The following RCL1 variants were observed in gnomAD, a reference collection of about 807,000 sequenced individuals.
RCL1 encodes the protein RNA terminal phosphate cyclase like 1, also known as RNA 3'-terminal phosphate cyclase-like protein.
In RCL1, 24 loss-of-function variants were observed where a neutral mutation model predicts 42.4. That is an observed-to-expected ratio of 0.57 (90% confidence interval 0.41 to 0.80). The LOEUF (loss-of-function observed/expected upper bound fraction) is 0.80. Ranked by LOEUF, RCL1 falls within the 30% of genes least tolerant of loss-of-function variation. The pLI is 0.00. For missense variants in RCL1, 578 were observed against 467.9 expected (o/e 1.24, Z -2.17); for synonymous variants, 228 against 177.3 (o/e 1.29, Z -2.27).
At chr9:4,812,189 C>G (rs1390727461) in intron 1 of RCL1, among the ~76,000 whole-genome samples, 1 of 152,038 alleles carries the variant, frequency 6.6e-6, no homozygotes, top group Non-Finnish European at 1.5e-5. Context: ...TTGTTGTAAT[C>G]CCTTTTGCTT....
In RCL1 at chr9:4,842,976, G is replaced by C. The variant is rs550362340; in HGVS notation, c.711-1549G>C. ...ACTGACTCAGCTGACCCTAGAGTGTGGTCAAGTCCATACTTACTAATGGTG... is the reference window on the plus strand; with the variant it reads ...ACTGACTCAGCTGACCCTAGAGTGTCGTCAAGTCCATACTTACTAATGGTG... On this transcript the variant is annotated intron_variant, in intron 6 of 8. Transcript: ENST00000381750. 3.1e-4 allele frequency among the ~76,000 whole-genome samples: 47 copies of C among 152,266 alleles called. 1 individual carries two copies. Among genetic ancestry groups the C allele is most frequent in the African/African-American group, 1.1e-3 (44 of 41,550 alleles).
intron 3 of RCL1, among the ~76,000 whole-genome samples, chr9:4,830,907 C>G (rs1351629113): frequency 2.0e-5 from 3 of 152,170 alleles, no homozygotes; most frequent in Non-Finnish European, 4.4e-5. Context: ...TTTGCCTTTT[C>G]TCTCTGACCG....
intron 1 of RCL1, among the ~76,000 whole-genome samples, chr9:4,814,929 T>A (rs1420664694): frequency 6.6e-6 from 1 of 152,088 alleles, no homozygotes; most frequent in Non-Finnish European, 1.5e-5. Context: ...ATTTTGAATA[T>A]ATCATCTTAT....
intron 1 of RCL1, among the ~76,000 whole-genome samples, chr9:4,798,224 C>G (rs1563825250): frequency 6.6e-6 from 1 of 152,208 alleles, no homozygotes; most frequent in South Asian, 2.1e-4. Context: ...GTGCCTCTAT[C>G]TCTGGATTTC....
intron 1 of RCL1, among the ~76,000 whole-genome samples, chr9:4,817,981 T>C (rs1816450370): frequency 7.1e-6 from 1 of 140,476 alleles, no homozygotes; most frequent in African/African-American, 2.7e-5. Context: ...AGTGTAGTGG[T>C]GCAATCTCGT....
In RCL1 at chr9:4,823,418, C is replaced by T; in HGVS notation, c.137-130C>T. ...GAACCTACCCAGTCCTTTAGGAAAG[C>T]CCAGGTGTGATGCAGGAAGTAACCT... On this transcript the variant is annotated intron_variant, in intron 1 of 8. Coordinates refer to ENST00000381750, the MANE Select transcript of RCL1 (RefSeq NM_005772.5). 4.7e-6 allele frequency: 3 copies of T among 636,904 alleles called. No individual in the cohort carries two copies. The South Asian group carries it at 6.4e-5, about 13-fold the overall frequency. 39.5% of individuals were successfully genotyped at this position (636,904 alleles called of 1,614,324 possible). A position where few individuals can be genotyped will look rare whatever the true frequency, so the allele number is the denominator to read the frequency against.
At chr9:4,827,785 A>C (rs1343400664) in intron 3 of RCL1, among the ~76,000 whole-genome samples, 1 of 125,494 alleles carries the variant, frequency 8.0e-6, no homozygotes, top group Non-Finnish European at 1.8e-5. Flanking sequence ...TGTGTGAGAG[A>C]GAGAGAGATT....
At chr9:4,852,362 G>A (rs1480042071) in intron 8 of RCL1, among the ~76,000 whole-genome samples, 1 of 152,088 alleles carries the variant, frequency 6.6e-6, no homozygotes, top group Non-Finnish European at 1.5e-5. Context: ...GTTTAGGGAG[G>A]GAGGATTTAT....
intron 3 of RCL1, 115 bp downstream of exon 3, chr9:4,827,148 T>C (rs997678699): frequency 2.6e-6 from 4 of 1,557,192 alleles, no homozygotes; most frequent in Non-Finnish European, 3.5e-6. Flanking sequence ...TATATTGCTT[T>C]TGTTATTTAC....
chr9:4,845,803 G>T (rs1032509904), intron 7 of RCL1, among the ~76,000 whole-genome samples: 13 of 152,200 alleles, frequency 8.5e-5, no homozygotes, highest in African/African-American at 3.1e-4. Context: ...GTTGTATGGT[G>T]TATAATGTTT....
intron 2 of RCL1, among the ~76,000 whole-genome samples, chr9:4,826,600 C>G (rs960654082): frequency 6.6e-6 from 1 of 152,208 alleles, no homozygotes; most frequent in African/African-American, 2.4e-5. Context: ...TGCCATGACT[C>G]TGGCAACTCA....
chr9:4,824,946 C>T (rs867701976), intron 2 of RCL1, among the ~76,000 whole-genome samples: 1 of 152,170 alleles, frequency 6.6e-6, no homozygotes, highest in Non-Finnish European at 1.5e-5. Context: ...GAGTCTTGTT[C>T]CGTCAACTAG....
intron 8 of RCL1, among the ~76,000 whole-genome samples, chr9:4,850,537 G>T (rs185054670): frequency 3.1e-4 from 28 of 90,706 alleles, no homozygotes; most frequent in Admixed American, 5.3e-4. Flanking sequence ...GGTTTTTTTA[G>T]AACAGGAAAA....
chr9:4,813,834 T>C (rs997471650), intron 1 of RCL1, among the ~76,000 whole-genome samples: 2 of 152,202 alleles, frequency 1.3e-5, no homozygotes, highest in African/African-American at 4.8e-5. Flanking sequence ...GTGGCACATA[T>C]ACACCATGGA....
intron 3 of RCL1, among the ~76,000 whole-genome samples, chr9:4,832,373 G>T (rs938377361): frequency 6.6e-6 from 1 of 152,164 alleles, no homozygotes. Flanking sequence ...CTCATCATTG[G>T]CATTCTTAGG....
chr9:4,807,673 A>C (rs296837), intron 1 of RCL1, among the ~76,000 whole-genome samples: 148,060 of 152,228 alleles, frequency 0.97, 72,149 homozygotes, highest in East Asian at 1. Flanking sequence ...GCATGCACAA[A>C]CACACCTGGC....
At chr9:4,812,843 C>T (rs538418963) in intron 1 of RCL1, among the ~76,000 whole-genome samples, 13 of 151,666 alleles carry the variant, frequency 8.6e-5, no homozygotes, top group African/African-American at 2.7e-4. Flanking sequence ...CTTGTAAATG[C>T]GATTGCTTAT....
rs1469197076 is a variant in RCL1 at position 4,841,273 on chromosome 9, T to A, written c.626T>A (p.Val209Glu). The A allele has an allele frequency of 1.2e-6, 2 of 1,613,458 alleles. No homozygotes were observed. The highest frequency in any genetic ancestry group is 1.7e-6 in the Non-Finnish European group (2 of 1,179,376). ...TCACCTCAGATGGCGAACCGGATTG[T>A]GGATTCTGCAAGGAGCATCCTCAAC... Reference protein sequence around the residue: ...RVSPQMANRIVDSARSILNKF... With the variant: ...RVSPQMANRIEDSARSILNKF... Residue 209 changes from valine to glutamate, a missense_variant, in exon 6 of 9, where the codon GTG becomes GAG. Transcript: ENST00000381750.
chr9:4,833,302 G>A (rs1462433989), intron 4 of RCL1, 74 bp downstream of exon 4: 25 of 1,090,448 alleles, frequency 2.3e-5, no homozygotes, highest in Non-Finnish European at 3.1e-5. Flanking sequence ...GAAGAGCTGT[G>A]TGACTCAGTG....
Sources: gnomAD v4.1 joint callset for allele counts (sites outside exome capture counted in the v4.1 genomes callset) on GRCh38, gnomAD v4.1.1 for gene constraint, MANE v1.5 for transcripts, NCBI Gene and HGNC (gene_info 2026-07-23, HGNC 2026-07-21) for gene names.